The following USP10 variants were observed in gnomAD, a reference collection of about 807,000 sequenced individuals.
USP10 encodes ubiquitin carboxyl-terminal hydrolase 10.
Under a neutral mutation model 84.5 loss-of-function variants are expected in USP10, and 22 were observed. The ratio of observed to expected loss-of-function variants is 0.26; its 90% confidence interval spans 0.19 to 0.37. USP10 has a LOEUF of 0.37. USP10 is among the 10% of genes least tolerant of loss of function. The pLI is 1.00. For synonymous variants in USP10, 454 were observed against 387.6 expected, an observed-to-expected ratio of 1.17 and a Z score of -2.01; for missense variants, 1,019 against 998.9, an observed-to-expected ratio of 1.02 and a Z score of -0.27.
chr16:84,726,875 G>C (rs1461474178), intron 1 of USP10, among the ~76,000 whole-genome samples: 1 of 152,260 alleles, frequency 6.6e-6, no homozygotes, highest in Non-Finnish European at 1.5e-5. Context: ...GCAACCACAG[G>C]ACGCGGGAAA....
chr16:84,748,186 G>A (rs1034660295), intron 4 of USP10, among the ~76,000 whole-genome samples: 1 of 147,728 alleles, frequency 6.8e-6, no homozygotes, highest in African/African-American at 2.5e-5. Context: ...AAGATAGATT[G>A]TGTAAGCCTT....
intron 13 of USP10, 138 bp downstream of exon 13, chr16:84,775,363 G>C (rs2303232): frequency 0.37 from 283,852 of 772,132 alleles, 61,337 homozygotes; most frequent in Non-Finnish European, 0.46. Flanking sequence ...GAGTCGGGGA[G>C]TCACGTGAGA....
At chr16:84,706,781 C>T (rs1317228252) in intron 1 of USP10, among the ~76,000 whole-genome samples, 1 of 152,060 alleles carries the variant, frequency 6.6e-6, no homozygotes, top group Non-Finnish European at 1.5e-5. Flanking sequence ...ACCTCGGGAT[C>T]TGCCCACCTC....
intron 12 of USP10, among the ~76,000 whole-genome samples, 178 bp from the exon 13 acceptor site, chr16:84,774,982 C>T (rs958612239): frequency 6.6e-5 from 10 of 152,158 alleles, no homozygotes; most frequent in African/African-American, 2.4e-4. Flanking sequence ...CCTATTACGT[C>T]ACATGGCTCA....
intron 4 of USP10, among the ~76,000 whole-genome samples, chr16:84,748,831 G>A (rs941972943): frequency 3.3e-5 from 5 of 152,078 alleles, no homozygotes; most frequent in African/African-American, 1.2e-4. Flanking sequence ...TGAAAGTAAG[G>A]GCCTCTTAAT....
chr16:84,733,077 T>C (rs1909448637), intron 1 of USP10: 1 of 461,694 alleles, frequency 2.2e-6, no homozygotes, highest in Admixed American at 2.3e-5. Context: ...AAAGCGGAAA[T>C]GGAGGTAGTG....
At chr16:84,727,910 T>C (rs777346319) in intron 1 of USP10, among the ~76,000 whole-genome samples, 1 of 152,204 alleles carries the variant, frequency 6.6e-6, no homozygotes, top group Non-Finnish European at 1.5e-5. Context: ...ATTTTGGGAG[T>C]TGACCATATA....
chr16:84,747,389 T>C (rs1394999216), intron 4 of USP10, among the ~76,000 whole-genome samples: 2 of 152,214 alleles, frequency 1.3e-5, no homozygotes, highest in Middle Eastern at 3.4e-3. Flanking sequence ...TGGGTGGCAA[T>C]AGGGTGATAG....
chr16:84,765,519 A>G (rs544655398), intron 10 of USP10, among the ~76,000 whole-genome samples: 2 of 150,020 alleles, frequency 1.3e-5, no homozygotes, highest in Non-Finnish European at 3.0e-5. Flanking sequence ...AAGTGAGACC[A>G]TGCAATATTT....
Position 84,745,017 on chromosome 16 carries a change from G to A in USP10, c.536G>A (p.Gly179Asp). ...ATCTCCACAGAAGCCCTGGTCAATG[G>A]CCATGCCAATTCAGCAGTCCCGAAC... ...DSISTEALVN[G>D]HANSAVPNSV... The change falls in exon 4 of 14, where the codon GGC becomes GAC. Residue 179 changes from glycine to aspartate, a missense_variant. Around this residue, in one of 2 missense-constraint regions of USP10, gnomAD observed 787 missense variants for 708.8 expected, o/e 1.11. Transcript: ENST00000219473. 1 of 1,613,814 alleles carries A rather than the reference G, an allele frequency of 6.2e-7. No homozygotes were observed. The highest frequency in any genetic ancestry group is 1.7e-5 in the Admixed American group (1 of 60,020).
chr16:84,769,763 C>T (rs112169280), intron 11 of USP10, among the ~76,000 whole-genome samples: 5 of 151,294 alleles, frequency 3.3e-5, no homozygotes, highest in African/African-American at 1.2e-4. Context: ...AGGGAAGACC[C>T]TTTTGTGATG....
rs768315373 is a variant in USP10, at chr16:84,744,981, G to A, written c.500G>A (p.Gly167Asp). Residue 167 changes from glycine (G) to aspartate (D), a missense_variant, in exon 4 of 14, where the codon GGC (glycine) becomes GAC (aspartate). This residue lies in a region of USP10 where 787 missense variants were observed against 708.8 expected (regional missense o/e 1.11). Transcript: ENST00000219473. ...TATTACAGCTATTTGAAAGATGGTG[G>A]CGATGATAGTATCTCCACAGAAGCC... is the stretch of plus-strand genomic sequence containing the variant. ...PGYYSYLKDG[G>D]DDSISTEALV... is the part of the protein sequence containing the mutation. 6.8e-6 allele frequency: 11 copies of A among 1,613,798 alleles called. No individual in the cohort carries two copies. The Admixed American group carries it at 1.8e-4, about 27-fold the overall frequency.
rs778236799 is a variant in USP10 at position 84,744,634 on chromosome 16, A to T, written c.153A>T (p.Gly51=). ...GTQAVDKLPD[G]QEYQRIEFGV... Reference sequence around the variant, plus strand: ...ACTAATAGTTTTCTTTCTAAACAGGACAAGAATATCAGAGAATTGAGTTTG... The same window carrying T: ...ACTAATAGTTTTCTTTCTAAACAGGTCAAGAATATCAGAGAATTGAGTTTG... The change falls in exon 4 of 14, where the codon GGA becomes GGT. Residue 51 remains glycine, a splice_region_variant and synonymous_variant. Coordinates refer to ENST00000219473, the MANE Select transcript of USP10 (RefSeq NM_005153.3). 3.2e-5 allele frequency: 51 copies of T among 1,604,414 alleles called. No individual in the cohort carries two copies. The highest frequency in any genetic ancestry group is 5.1e-5 in the Admixed American group (3 of 58,874).
intron 12 of USP10, 24 bp downstream of exon 12, chr16:84,772,709 G>A: frequency 6.2e-7 from 1 of 1,612,538 alleles, no homozygotes; most frequent in South Asian, 1.1e-5. Flanking sequence ...AAGGTCGGGA[G>A]TGTTCGTGGT....
intron 1 of USP10, among the ~76,000 whole-genome samples, chr16:84,722,637 C>A (rs1907959530): frequency 6.6e-6 from 1 of 152,120 alleles, no homozygotes; most frequent in South Asian, 2.1e-4. Context: ...TCTTGGCTCA[C>A]TGAAACCTTC....
chr16:84,742,334 C>T (rs1343779792), intron 3 of USP10, among the ~76,000 whole-genome samples: 1 of 152,208 alleles, frequency 6.6e-6, no homozygotes, highest in African/African-American at 2.4e-5. Flanking sequence ...TTCCTGCATC[C>T]AGAAGAATCC....
chr16:84,762,915 G>C, intron 8 of USP10, 74 bp from the exon 9 acceptor site: 1 of 847,954 alleles, frequency 1.2e-6, no homozygotes, highest in Non-Finnish European at 1.9e-6. Flanking sequence ...GTTGGACTTT[G>C]CAAGTACTGC....
chr16:84,754,365 A>G (rs1244278935), intron 4 of USP10, among the ~76,000 whole-genome samples: 1 of 152,142 alleles, frequency 6.6e-6, no homozygotes, highest in Admixed American at 6.5e-5. Context: ...TGTATTTTCC[A>G]AGTCTGAAAA....
chr16:84,775,072 C>A (rs1597410040), intron 12 of USP10, 88 bp from the exon 13 acceptor site: 1 of 1,141,106 alleles, frequency 8.8e-7, no homozygotes, highest in Non-Finnish European at 1.3e-6. Context: ...AGTTTACTTG[C>A]TGGGGAGAAT....
Sources: gnomAD v4.1 joint callset for allele counts (sites outside exome capture counted in the v4.1 genomes callset) on GRCh38, gnomAD v4.1.1 for gene constraint, gnomAD v4.1.1 regional missense constraint, MANE v1.5 for transcripts, NCBI Gene and HGNC (gene_info 2026-07-23, HGNC 2026-07-21) for gene names.